ITGA9: variants seen among roughly 807,000 people sequenced by gnomAD.
ITGA9 encodes integrin alpha-9.
Under a neutral mutation model 127.8 loss-of-function variants are expected in ITGA9, and 56 were observed. The ratio of observed to expected loss-of-function variants is 0.44; its 90% CI spans 0.35 to 0.55. ITGA9 has a LOEUF of 0.55. Ranked by LOEUF, ITGA9 falls within the 20% of genes least tolerant of loss-of-function variation. The pLI, the probability that ITGA9 is intolerant of heterozygous loss-of-function variation, is 0.00. For synonymous variants in ITGA9, 508 were observed against 514.5 expected (o/e 0.99, Z 0.17); for missense variants, 1,196 against 1,347.1 (o/e 0.89, Z 1.76).
At chr3:37,459,520 C>T (rs1698294776) in intron 1 of ITGA9, among the ~76,000 whole-genome samples, 1 of 152,226 alleles carries the variant, frequency 6.6e-6, no homozygotes, top group Non-Finnish European at 1.5e-5. Flanking sequence ...GACCTAATCA[C>T]CTCCCAAAGT....
intron 15 of ITGA9, among the ~76,000 whole-genome samples, chr3:37,600,180 A>G (rs1308104166): frequency 6.6e-6 from 1 of 152,212 alleles, no homozygotes; most frequent in Non-Finnish European, 1.5e-5. Context: ...GAAATTACTT[A>G]GTCAATAAAA....
chr3:37,780,153 C>CT (rs2125551615), intron 25 of ITGA9, 132 bp downstream of exon 25: 1 of 1,076,356 alleles, frequency 9.3e-7, no homozygotes, highest in South Asian at 1.3e-5. Context: ...GCTGCCCCCC[C>CT]TTTTGGCTGT....
Position 37,567,190 on chromosome 3 carries a change from G to A in ITGA9, c.1689+24605G>A, listed in dbSNP as rs551263037. ...TTGCAATCATAGCAGAAAGCGAAAG[G>A]CACGTCTTACATGGATGGTGGCAGG... On this transcript the variant is annotated intron_variant, in intron 15 of 27. Transcript: ENST00000264741. 3.7e-3 allele frequency among the ~76,000 whole-genome samples: 568 copies of A among 152,288 alleles called. 6 individuals are homozygous for A. Among genetic ancestry groups the A allele is most frequent in the African/African-American group, 0.013 (544 of 41,558 alleles).
intron 15 of ITGA9, among the ~76,000 whole-genome samples, chr3:37,558,323 T>C (rs1242470913): frequency 6.6e-6 from 1 of 152,188 alleles, no homozygotes; most frequent in Non-Finnish European, 1.5e-5. Flanking sequence ...ACCTGTTGGG[T>C]ACACAGCTCT....
chr3:37,762,071 T>G (rs547141169), intron 23 of ITGA9, among the ~76,000 whole-genome samples: 2 of 152,350 alleles, frequency 1.3e-5, no homozygotes, highest in East Asian at 3.9e-4. Flanking sequence ...TTTCTTTACT[T>G]TCTTAATAAA....
At chr3:37,512,065 TTTCTTTCTTTCCTTCC>T (rs1211659494) in intron 8 of ITGA9, among the ~76,000 whole-genome samples, 74 of 70,112 alleles carry the variant, frequency 1.1e-3, no homozygotes, top group Admixed American at 2.8e-3. Flanking sequence ...TCTTTCTTTC[TTTCTTTCTTTCCTTCC>T]TTCCTTCCTT....
At position 37,695,847 on chromosome 3, in the gene ITGA9, A is replaced by T. The variant is rs142430217; in HGVS notation, c.2067+11832A>T. ...TTTATTTTTCTTTGGTAATAATAAA[A>T]TAAGAAATGGGCATTTCAGGGCTAG... On this transcript the variant is annotated intron_variant, in intron 18 of 27. Coordinates refer to ENST00000264741, the MANE Select transcript of ITGA9 (RefSeq NM_002207.3). Among the ~76,000 whole-genome samples the T allele has an allele frequency of 4.7e-3, 723 of 152,400 alleles. 10 individuals are homozygous for T. The highest frequency in any genetic ancestry group is 0.03 in the South Asian group (145 of 4,832).
intron 26 of ITGA9, among the ~76,000 whole-genome samples, chr3:37,800,851 T>A (rs1205141533): frequency 6.6e-6 from 1 of 152,132 alleles, no homozygotes; most frequent in Non-Finnish European, 1.5e-5. Context: ...TGGAGCAATT[T>A]CCCAAACATA....
intron 7 of ITGA9, among the ~76,000 whole-genome samples, chr3:37,506,338 G>A (rs1401003665): frequency 1.3e-5 from 2 of 152,132 alleles, no homozygotes; most frequent in Non-Finnish European, 2.9e-5. Context: ...CTGACCATGT[G>A]TGTGTGTGTA....
chr3:37,723,110 T>A (rs989441109), intron 18 of ITGA9, among the ~76,000 whole-genome samples: 1 of 152,238 alleles, frequency 6.6e-6, no homozygotes, highest in Non-Finnish European at 1.5e-5. Context: ...GCCATCTGTA[T>A]GTATTTTTTG....
At chr3:37,488,604 C>T (rs1196752451) in intron 4 of ITGA9, among the ~76,000 whole-genome samples, 2 of 152,024 alleles carry the variant, frequency 1.3e-5, no homozygotes, top group Non-Finnish European at 2.9e-5. Flanking sequence ...CGAGACCAGC[C>T]TGACCAACAT....
chr3:37,668,049 A>G (rs574201031), intron 17 of ITGA9, among the ~76,000 whole-genome samples: 2 of 152,278 alleles, frequency 1.3e-5, no homozygotes, highest in South Asian at 2.1e-4. Flanking sequence ...GGCAGACTCA[A>G]AGCACTGAGG....
chr3:37,598,059 T>C (rs1011963471), intron 15 of ITGA9, among the ~76,000 whole-genome samples: 33 of 152,368 alleles, frequency 2.2e-4, no homozygotes, highest in Admixed American at 1.2e-3. Flanking sequence ...CTTCGGTGAT[T>C]TATTTTACAC....
intron 15 of ITGA9, among the ~76,000 whole-genome samples, chr3:37,563,276 C>T (rs779261878): frequency 6.6e-6 from 1 of 152,122 alleles, no homozygotes; most frequent in Non-Finnish European, 1.5e-5. Flanking sequence ...TCATATAACC[C>T]GACAGTCAGC....
intron 1 of ITGA9, among the ~76,000 whole-genome samples, chr3:37,461,872 C>T (rs1244172060): frequency 6.6e-6 from 1 of 152,168 alleles, no homozygotes; most frequent in Non-Finnish European, 1.5e-5. Flanking sequence ...GATGGGAGGC[C>T]ACCCTTGTTA....
chr3:37,691,860 A>G (rs1700835737), intron 18 of ITGA9, among the ~76,000 whole-genome samples: 2 of 152,228 alleles, frequency 1.3e-5, no homozygotes. Flanking sequence ...TTTAGAACTC[A>G]TGATGTTTTG....
intron 27 of ITGA9, among the ~76,000 whole-genome samples, chr3:37,809,098 T>A (rs962540990): frequency 1.3e-5 from 2 of 151,288 alleles, no homozygotes; most frequent in East Asian, 1.9e-4. Flanking sequence ...CTTTTTTTTT[T>A]TTTTTTTGTG....
intron 3 of ITGA9, among the ~76,000 whole-genome samples, chr3:37,476,443 G>A (rs1488498017): frequency 6.6e-6 from 1 of 151,874 alleles, no homozygotes; most frequent in Non-Finnish European, 1.5e-5. Flanking sequence ...CTGATGATTA[G>A]TAACATTGAG....
At chr3:37,626,002 A>C (rs977590637) in intron 15 of ITGA9, among the ~76,000 whole-genome samples, 1 of 152,190 alleles carries the variant, frequency 6.6e-6, no homozygotes, top group African/African-American at 2.4e-5. Context: ...TCGCACCCCT[A>C]CATGTCCAAA....
Sources: allele counts gnomAD v4.1 joint callset (sites outside exome capture counted in the v4.1 genomes callset), GRCh38; gene constraint gnomAD v4.1.1; transcripts MANE v1.5; gene names NCBI Gene and HGNC (gene_info 2026-07-23, HGNC 2026-07-21).